CUBN: variants seen among roughly 807,000 people sequenced by gnomAD.
CUBN encodes the protein 460 kDa receptor.
CUBN carries 282 observed loss-of-function variants against 405.3 expected under a neutral mutation model. The observed-to-expected ratio is 0.70, with a 90% CI of 0.63 to 0.77. The LOEUF is 0.77. Ranked by LOEUF, CUBN falls within the 30% of genes least tolerant of loss-of-function variation. CUBN has a pLI of 0.00. For synonymous variants in CUBN, 1,684 were observed against 1,617.0 expected, an observed-to-expected ratio of 1.04 and a Z score of -0.99; for missense variants, 4,514 against 4,475.2, an observed-to-expected ratio of 1.01 and a Z score of -0.25.
At chr10:16,841,406 T>C (rs971643381) in intron 60 of CUBN, among the ~76,000 whole-genome samples, 1 of 152,138 alleles carries the variant, frequency 6.6e-6, no homozygotes, top group African/African-American at 2.4e-5. Context: ...ATGAAGCCCC[T>C]GATTCTGCTC....
intron 17 of CUBN, 76 bp from the exon 18 acceptor site, chr10:17,072,047 T>A: frequency 8.5e-7 from 1 of 1,170,350 alleles, no homozygotes; most frequent in Non-Finnish European, 1.2e-6. Flanking sequence ...TACTTGGAGA[T>A]GAAAAAATGG....
chr10:17,058,639 T>C (rs1489680376), intron 22 of CUBN, among the ~76,000 whole-genome samples: 1 of 152,102 alleles, frequency 6.6e-6, no homozygotes, highest in Non-Finnish European at 1.5e-5. Context: ...AATGCATCTA[T>C]TTCTTGAAAG....
intron 9 of CUBN, among the ~76,000 whole-genome samples, chr10:17,110,683 A>G (rs1202332206): frequency 6.6e-6 from 1 of 152,104 alleles, no homozygotes; most frequent in Non-Finnish European, 1.5e-5. Context: ...ATGCACCACC[A>G]TGCCCAGCTA....
chr10:16,926,231 A>G (rs1842185485), intron 41 of CUBN, among the ~76,000 whole-genome samples: 1 of 152,194 alleles, frequency 6.6e-6, no homozygotes, highest in African/African-American at 2.4e-5. Flanking sequence ...ATGGGGGAGA[A>G]AACATTCCAG....
At chr10:17,071,329 C>A (rs1835734071) in intron 19 of CUBN, 97 bp downstream of exon 19, 3 of 1,304,458 alleles carry the variant, frequency 2.3e-6, no homozygotes, top group Admixed American at 3.9e-5. Context: ...TCTACATAAA[C>A]TACTTTCATT....
intron 31 of CUBN, among the ~76,000 whole-genome samples, chr10:16,969,645 G>A (rs1843498559): frequency 6.6e-6 from 1 of 152,184 alleles, no homozygotes; most frequent in Non-Finnish European, 1.5e-5. Flanking sequence ...GAGCCACTGA[G>A]CCCAGTCTAC....
At chr10:16,939,410 G>T (rs545404249) in intron 37 of CUBN, among the ~76,000 whole-genome samples, 1 of 152,236 alleles carries the variant, frequency 6.6e-6, no homozygotes, top group South Asian at 2.1e-4. Context: ...AGGGGACTTG[G>T]GGACATGGGA....
chr10:17,105,510 C>T lies in CUBN; in HGVS notation c.1177G>A (p.Val393Met). 6.2e-7 allele frequency: 1 copy of T among 1,612,158 alleles called. No homozygotes were observed. The change falls in exon 11 of 67, where the codon GTG (valine) becomes ATG (methionine). Residue 393 changes from valine (V) to methionine (M), a missense_variant. This residue lies in a region of CUBN where 1,448 missense variants were observed against 1,388.0 expected (regional missense o/e 1.04). Transcript: ENST00000377833. Reference protein sequence around the residue: ...TGNGYGPNGCVQLSNICLSHP... With the variant: ...TGNGYGPNGCMQLSNICLSHP... ...CTTAGGCAAATATTACTGAGCTGCA[C>T]ACATCCATTTGGCCCATAACCATTT...
chr10:16,994,917 C>T (rs1564468156), intron 28 of CUBN, among the ~76,000 whole-genome samples: 1 of 152,082 alleles, frequency 6.6e-6, no homozygotes, highest in South Asian at 2.1e-4. Flanking sequence ...ATGGTGAAAC[C>T]CTGTCTCTAC....
At chr10:17,020,178 T>C (rs1032277650) in intron 27 of CUBN, among the ~76,000 whole-genome samples, 195 bp from the exon 28 acceptor site, 2 of 152,164 alleles carry the variant, frequency 1.3e-5, no homozygotes, top group African/African-American at 4.8e-5. Flanking sequence ...TAGAGATGGA[T>C]CTGATTCCTA....
intron 28 of CUBN, among the ~76,000 whole-genome samples, chr10:16,996,254 T>C (rs1030608534): frequency 1.3e-5 from 2 of 152,180 alleles, no homozygotes; most frequent in African/African-American, 4.8e-5. Flanking sequence ...TGGAATAAAA[T>C]AATGCCCTGA....
chr10:16,938,385 C>T (rs1378190514), intron 38 of CUBN, among the ~76,000 whole-genome samples: 1 of 152,120 alleles, frequency 6.6e-6, no homozygotes, highest in Non-Finnish European at 1.5e-5. Context: ...TAGCTCAGGA[C>T]AAATTCATAT....
chr10:17,043,967 C>T lies in CUBN; in HGVS notation c.3689G>A (p.Ser1230Asn), dbSNP rs1366256567. ...CTGAGTTAGCAGATGAGAGTTGCTACTTGGGCCATCATATACCTTTAAGAA... is the reference window on the plus strand; with the variant it reads ...CTGAGTTAGCAGATGAGAGTTGCTATTTGGGCCATCATATACCTTTAAGAA... ...LDYLAVYDGP[S>N]SNSHLLTQLC... Residue 1230 changes from serine to asparagine, a missense_variant, in exon 26 of 67, where the codon AGT (serine) becomes AAT (asparagine). This residue lies in a region of CUBN where 242 missense variants were observed against 309.0 expected (regional missense o/e 0.78). Coordinates refer to ENST00000377833, the MANE Select transcript of CUBN (RefSeq NM_001081.4). 2 of 1,613,150 alleles carry T rather than the reference C, an allele frequency of 1.2e-6. No homozygotes were observed. Among genetic ancestry groups the T allele is most frequent in the East Asian group, 4.5e-5 (2 of 44,866 alleles).
At position 16,950,466 on chromosome 10, in the gene CUBN, T is replaced by G. The variant is rs150503074; in HGVS notation, c.4970-355A>C. ...GTACCCACAAAAATTAACAATAAAATTTTTTTACAAAATAAAATTAAAATT... is the reference window on the plus strand; with the variant it reads ...GTACCCACAAAAATTAACAATAAAAGTTTTTTACAAAATAAAATTAAAATT... On this transcript the variant is annotated intron_variant, in intron 33 of 66. Coordinates refer to ENST00000377833, the MANE Select transcript of CUBN (RefSeq NM_001081.4). Among the ~76,000 whole-genome samples, 435 of 152,138 alleles carry G rather than the reference T, an allele frequency of 2.9e-3. 4 individuals are homozygous for G. The highest frequency in any genetic ancestry group is 9.6e-3 in the African/African-American group (399 of 41,504).
At chr10:16,920,186 C>T (rs1841996401) in intron 43 of CUBN, 49 bp from the exon 44 acceptor site, 4 of 1,561,358 alleles carry the variant, frequency 2.6e-6, no homozygotes, top group Admixed American at 3.4e-5. Flanking sequence ...GAAGGGGATG[C>T]AGTCAATGGC....
intron 62 of CUBN, among the ~76,000 whole-genome samples, chr10:16,837,704 T>C (rs77438419): frequency 0.012 from 1,799 of 152,266 alleles, 39 homozygotes; most frequent in African/African-American, 0.041. Context: ...CAATTAGGGC[T>C]GCTCTGTCTA....
intron 31 of CUBN, among the ~76,000 whole-genome samples, chr10:16,970,771 G>C (rs1382052264): frequency 6.6e-6 from 1 of 151,984 alleles, no homozygotes; most frequent in East Asian, 1.9e-4. Flanking sequence ...ACTTAGCCTT[G>C]ACCCTGACAT....
chr10:16,909,231 T>C (rs1841652600), intron 48 of CUBN, among the ~76,000 whole-genome samples: 1 of 152,196 alleles, frequency 6.6e-6, no homozygotes, highest in Non-Finnish European at 1.5e-5. Flanking sequence ...AATTTAGCTC[T>C]CTGGGGGCTT....
chr10:17,083,254 C>T (rs1208832227), intron 17 of CUBN, among the ~76,000 whole-genome samples: 1 of 151,956 alleles, frequency 6.6e-6, no homozygotes, highest in Non-Finnish European at 1.5e-5. Flanking sequence ...GCCTGTAATC[C>T]CAGCACTTTG....
Sources: allele counts gnomAD v4.1 joint callset (sites outside exome capture counted in the v4.1 genomes callset), GRCh38; gene constraint gnomAD v4.1.1; regional missense constraint gnomAD v4.1.1; transcripts MANE v1.5; gene names NCBI Gene and HGNC (gene_info 2026-07-23, HGNC 2026-07-21).